WWTR1: variants seen among roughly 807,000 people sequenced by gnomAD.
The protein encoded by WWTR1 is WW domain containing transcription regulator 1, also known as WW domain-containing transcription regulator protein 1.
In WWTR1, 13 loss-of-function variants were observed where a neutral mutation model predicts 40.1. The ratio of observed to expected loss-of-function variants is 0.32; its 90% CI spans 0.21 to 0.52. WWTR1 has a LOEUF of 0.52. Among genes scored for constraint, WWTR1 ranks in the 20% least tolerant of loss-of-function variants. The probability of loss-of-function intolerance (pLI) is 0.97; values close to 1 mark genes in which losing one functional copy is unlikely to be tolerated. For synonymous variants in WWTR1, 230 were observed against 210.1 expected (o/e 1.09, Z -0.82); for missense variants, 436 against 523.1 (o/e 0.83, Z 1.63).
chr3:149,568,544 A>ACC (rs1737454243), intron 3 of WWTR1, among the ~76,000 whole-genome samples: 8 of 115,882 alleles, frequency 6.9e-5, no homozygotes, highest in African/African-American at 2.2e-4. Flanking sequence ...AAAAAAAAAA[A>ACC]AAAAAAAAAA....
At chr3:149,685,979 G>T (rs1332658466) in intron 1 of WWTR1, among the ~76,000 whole-genome samples, 1 of 152,108 alleles carries the variant, frequency 6.6e-6, no homozygotes, top group Non-Finnish European at 1.5e-5. Flanking sequence ...CTTGCTTAAA[G>T]ATCTTTTTTT....
At chr3:149,668,949 C>T (rs1713952683) in intron 2 of WWTR1, among the ~76,000 whole-genome samples, 1 of 152,134 alleles carries the variant, frequency 6.6e-6, no homozygotes, top group African/African-American at 2.4e-5. Flanking sequence ...CTAATGAATC[C>T]TCCCTTTGAC....
rs764139095 is a variant in WWTR1, at chr3:149,572,994, T to C, written c.438A>G (p.Ile146Met). The change falls in exon 3 of 7, where the codon ATA becomes ATG. Residue 146 changes from isoleucine to methionine, a missense_variant. Ile to Met is a conservative substitution (Grantham distance 10, BLOSUM62 1). Coordinates refer to ENST00000360632, the MANE Select transcript of WWTR1 (RefSeq NM_015472.6). ...GGTCTTGCCATGTGGTGATTTTTTCTATGTGACTAAAAGAAGGAAAACAAT... is the reference window on the plus strand; with the variant it reads ...GGTCTTGCCATGTGGTGATTTTTTCCATGTGACTAAAAGAAGGAAAACAAT... ...ATGQRYFLNH[I>M]EKITTWQDPR... The C allele has an allele frequency of 7.6e-6, 12 of 1,586,784 alleles. No homozygotes were observed. Among genetic ancestry groups the C allele is most frequent in the Non-Finnish European group, 1.0e-5 (12 of 1,173,144 alleles).
chr3:149,693,116 T>C (rs1037101595), intron 1 of WWTR1, among the ~76,000 whole-genome samples: 1 of 152,154 alleles, frequency 6.6e-6, no homozygotes, highest in Non-Finnish European at 1.5e-5. Flanking sequence ...TTAGAACTAA[T>C]AAACAAATTT....
rs1426390110 is a variant in WWTR1 at position 149,526,141 on chromosome 3, T to TGAA, written c.906-19_906-17dup. On this transcript the variant is annotated splice_polypyrimidine_tract_variant and intron_variant, in intron 5 of 6. Transcript: ENST00000360632. The stretch of plus-strand genomic sequence containing the variant: ...ATATGGCCCTCTGCAAAGCAAAAGA[T>TGAA]GAAGAAACTTCAATATGAGCCCACT... 1 of 1,557,568 alleles carries TGAA rather than the reference T, an allele frequency of 6.4e-7. No individual in the cohort carries two copies. The highest frequency in any genetic ancestry group is 2.3e-5 in the East Asian group (1 of 43,474).
intron 1 of WWTR1, among the ~76,000 whole-genome samples, chr3:149,681,157 A>G (rs1714449092): frequency 6.6e-6 from 1 of 152,204 alleles, no homozygotes; most frequent in Non-Finnish European, 1.5e-5. Flanking sequence ...CATTTTCTCT[A>G]ACTTCGGGTT....
chr3:149,687,231 G>A (rs73000102), intron 1 of WWTR1, among the ~76,000 whole-genome samples: 130 of 152,112 alleles, frequency 8.5e-4, no homozygotes, highest in Non-Finnish European at 1.3e-3. Flanking sequence ...AACTTGCCCC[G>A]CGTGCTTATC....
chr3:149,603,911 T>C (rs931979452), intron 2 of WWTR1, among the ~76,000 whole-genome samples: 3 of 146,238 alleles, frequency 2.1e-5, no homozygotes, highest in Admixed American at 6.8e-5. Flanking sequence ...CAAGAACACA[T>C]TGGCCACATC....
At chr3:149,622,502 G>GAAGGAAGGAAGGAAGGAAGAAAGAA (rs1553800283) in intron 2 of WWTR1, among the ~76,000 whole-genome samples, 9 of 46,298 alleles carry the variant, frequency 1.9e-4, no homozygotes, top group African/African-American at 7.2e-4. Flanking sequence ...AGGAAGGAAG[G>GAAGGAAGGAAGGAAGGAAGAAAGAA]AAGAAAGAAA....
At chr3:149,563,298 G>C (rs898125734) in intron 3 of WWTR1, among the ~76,000 whole-genome samples, 2 of 152,126 alleles carry the variant, frequency 1.3e-5, no homozygotes, top group Non-Finnish European at 2.9e-5. Context: ...CCCCAGGTGT[G>C]GGGGTGCTTC....
At chr3:149,595,666 A>G (rs1161991159) in intron 2 of WWTR1, among the ~76,000 whole-genome samples, 1 of 152,084 alleles carries the variant, frequency 6.6e-6, no homozygotes, top group Admixed American at 6.6e-5. Context: ...AATCCTTCCT[A>G]CTTGGTTCAA....
At chr3:149,715,806 T>G (rs891232128) in intron 5 of WWTR1, among the ~76,000 whole-genome samples, 3 of 152,210 alleles carry the variant, frequency 2.0e-5, no homozygotes, top group African/African-American at 7.2e-5. Context: ...AATTTCTCTT[T>G]CTAATACTTA....
At chr3:149,667,907 A>T (rs1430032281) in intron 2 of WWTR1, among the ~76,000 whole-genome samples, 1 of 152,244 alleles carries the variant, frequency 6.6e-6, no homozygotes, top group African/African-American at 2.4e-5. Flanking sequence ...GAATTAAAAC[A>T]TCTTGATAAG....
intron 5 of WWTR1, among the ~76,000 whole-genome samples, chr3:149,708,687 C>T (rs1320782316): frequency 6.6e-6 from 1 of 152,068 alleles, no homozygotes; most frequent in Non-Finnish European, 1.5e-5. Context: ...CTAGCATATG[C>T]TATATTTTGT....
chr3:149,577,752 A>ACAAAC (rs1737953153), intron 2 of WWTR1, among the ~76,000 whole-genome samples: 1 of 152,186 alleles, frequency 6.6e-6, no homozygotes. Context: ...CATTTTATTT[A>ACAAAC]ACAGGTAAAT....
chr3:149,625,145 G>A (rs1248160928), intron 2 of WWTR1, among the ~76,000 whole-genome samples: 9 of 128,916 alleles, frequency 7.0e-5, no homozygotes, highest in East Asian at 2.3e-4. Flanking sequence ...TTTTTGTGAC[G>A]GAGTCTCGCT....
intron 2 of WWTR1, among the ~76,000 whole-genome samples, chr3:149,621,015 A>G (rs1471675575): frequency 6.6e-6 from 1 of 152,242 alleles, no homozygotes; most frequent in African/African-American, 2.4e-5. Flanking sequence ...CTGTATTGGA[A>G]TTAATTTTGC....
upstream of WWTR1, among the ~76,000 whole-genome samples, chr3:149,706,828 A>G (rs913499800): frequency 1.2e-4 from 19 of 152,214 alleles, no homozygotes; most frequent in African/African-American, 3.9e-4. Context: ...GGAAGGTCTC[A>G]GTGATACATA....
At chr3:149,562,960 T>TCA (rs530356991) in intron 3 of WWTR1, among the ~76,000 whole-genome samples, 121 of 152,120 alleles carry the variant, frequency 8.0e-4, no homozygotes, top group African/African-American at 2.8e-3. Flanking sequence ...TGTCAAAATA[T>TCA]CACTCAGCAC....
Sources: gnomAD v4.1 joint callset for allele counts (sites outside exome capture counted in the v4.1 genomes callset) on GRCh38, gnomAD v4.1.1 for gene constraint, MANE v1.5 for transcripts, NCBI Gene and HGNC (gene_info 2026-07-23, HGNC 2026-07-21) for gene names.